SIL1: variants seen among roughly 807,000 people sequenced by gnomAD.
SIL1 encodes the protein SIL1 nucleotide exchange factor, also known as nucleotide exchange factor SIL1.
A neutral mutation model predicts 49.1 loss-of-function variants in SIL1; 40 were observed. The ratio of observed to expected loss-of-function variants is 0.81; its 90% CI spans 0.63 to 1.06. The LOEUF (loss-of-function observed/expected upper bound fraction) is 1.06, where lower values mean the gene tolerates loss of function less well. Among genes scored for constraint, SIL1 ranks in the 50% least tolerant of loss-of-function variants. The pLI is 0.00. For synonymous variants in SIL1, 253 were observed against 250.8 expected, an observed-to-expected ratio of 1.01 and a Z score of -0.08; for missense variants, 500 against 572.6, an observed-to-expected ratio of 0.87 and a Z score of 1.29.
At position 139,118,652 on chromosome 5, in the gene SIL1, T is replaced by C. The variant is rs528332980; in HGVS notation, c.244+2383A>G. On this transcript the variant is annotated intron_variant, in intron 3 of 9. Coordinates refer to ENST00000394817, the MANE Select transcript of SIL1 (RefSeq NM_022464.5). Reference sequence around the variant, plus strand: ...TACCCATCCAGTTCCCAGGACTGGCTACATTCCTTTTAATCTTTAGGTAGA... The same window carrying C: ...TACCCATCCAGTTCCCAGGACTGGCCACATTCCTTTTAATCTTTAGGTAGA... Among the ~76,000 whole-genome samples the C allele has an allele frequency of 4.6e-5, 7 of 152,308 alleles. No homozygotes were observed. In the South Asian group the frequency reaches 1.2e-3, roughly 27 times the overall value.
At chr5:138,995,818 T>C (rs1396399365) in intron 7 of SIL1, among the ~76,000 whole-genome samples, 1 of 152,232 alleles carries the variant, frequency 6.6e-6, no homozygotes, top group East Asian at 1.9e-4. Context: ...GTGATATTTG[T>C]CTTTCTGTAC....
chr5:139,069,959 C>T (rs1769794100), intron 3 of SIL1, among the ~76,000 whole-genome samples: 5 of 152,152 alleles, frequency 3.3e-5, no homozygotes, highest in South Asian at 2.1e-4. Context: ...ATTACTGTTT[C>T]GATGGGCTCT....
intron 1 of SIL1, among the ~76,000 whole-genome samples, chr5:139,145,686 C>A (rs1443359081): frequency 2.3e-5 from 3 of 130,236 alleles, no homozygotes; most frequent in South Asian, 2.5e-4. Context: ...GTGTGTATTT[C>A]CAATGGAATA....
At chr5:139,069,202 C>A (rs1769773743) in intron 3 of SIL1, among the ~76,000 whole-genome samples, 1 of 152,060 alleles carries the variant, frequency 6.6e-6, no homozygotes, top group Admixed American at 6.5e-5. Flanking sequence ...GTGGGAGGAT[C>A]ACTTGAGCCC....
rs544456056 is a variant in SIL1, at chr5:139,053,119, C to T, written c.245-2073G>A. Among the ~76,000 whole-genome samples, 6 of 152,302 alleles carry T rather than the reference C, an allele frequency of 3.9e-5. No homozygotes were observed. The East Asian group carries it at 1.2e-3, about 29-fold the overall frequency. ...TCTCTGAATGTGTGAAGGGGAGAGG[C>T]TGCCTCACCTGGAGAGATCCCAAAC... On this transcript the variant is annotated intron_variant, in intron 3 of 9. Transcript: ENST00000394817.
At chr5:139,177,077 C>T (rs945873579) in intron 1 of SIL1, among the ~76,000 whole-genome samples, 39 of 151,620 alleles carry the variant, frequency 2.6e-4, no homozygotes, top group African/African-American at 7.7e-4. Context: ...GAACTACAGG[C>T]GCCCGCCACC....
In SIL1 at chr5:139,127,776, G is replaced by A; in HGVS notation, c.68C>T (p.Ala23Val). 8 of 1,610,832 alleles carry A rather than the reference G, an allele frequency of 5.0e-6. No homozygotes were observed. Among genetic ancestry groups the A allele is most frequent in the Non-Finnish European group, 6.8e-6 (8 of 1,179,398 alleles). ...PLGMLLGLLM[A>V]ACFTFCLSHQ... is the part of the protein sequence containing the mutation. ...ACTGAGGCAGAAGGTGAAGCAGGCG[G>A]CCATCAGCAGCCCAAGCAGCATGCC... Residue 23 changes from alanine to valine, a missense_variant, in exon 2 of 10, where the codon GCC becomes GTC. Transcript: ENST00000394817.
At position 139,057,558 on chromosome 5, in the gene SIL1, T is replaced by C. The variant is rs555115550; in HGVS notation, c.245-6512A>G. On this transcript the variant is annotated intron_variant, in intron 3 of 9. Coordinates refer to ENST00000394817, the MANE Select transcript of SIL1 (RefSeq NM_022464.5). The stretch of plus-strand genomic sequence containing the variant: ...GGCAGAAGCTCTGGGCAAAGAAGCT[T>C]TGGCTCCTCAGAGGGGTCCAGGAAC... 1.5e-4 allele frequency among the ~76,000 whole-genome samples: 23 copies of C among 152,026 alleles called. No individual in the cohort carries two copies. The East Asian group carries it at 4.5e-3, about 29-fold the overall frequency.
intron 7 of SIL1, among the ~76,000 whole-genome samples, chr5:138,964,643 A>C (rs1228646987): frequency 6.6e-6 from 1 of 152,244 alleles, no homozygotes; most frequent in East Asian, 1.9e-4. Flanking sequence ...TAAAATAGTT[A>C]ATGTCAAAAC....
intron 7 of SIL1, among the ~76,000 whole-genome samples, chr5:138,990,173 C>T (rs144559207): frequency 8.5e-5 from 13 of 152,236 alleles, no homozygotes; most frequent in African/African-American, 1.4e-4. Context: ...CCAATGTGAG[C>T]GTACACTTAC....
chr5:138,954,442 C>A (rs1032972736), intron 7 of SIL1, among the ~76,000 whole-genome samples: 20 of 152,240 alleles, frequency 1.3e-4, no homozygotes, highest in African/African-American at 4.3e-4. Context: ...CCTGGGAACT[C>A]CAGGCCTTAC....
chr5:139,009,454 CCATTTA>C (rs1242052558), intron 7 of SIL1, among the ~76,000 whole-genome samples: 1 of 135,342 alleles, frequency 7.4e-6, no homozygotes, highest in African/African-American at 2.8e-5. Flanking sequence ...AGAATTTAGT[CCATTTA>C]CATTTAAAGT....
At chr5:139,156,141 C>A (rs1055001416) in intron 1 of SIL1, among the ~76,000 whole-genome samples, 32 of 152,186 alleles carry the variant, frequency 2.1e-4, no homozygotes, top group Non-Finnish European at 3.2e-4. Flanking sequence ...TATATGTTTA[C>A]GTAATAATAA....
At chr5:139,153,358 G>T (rs979172929) in intron 1 of SIL1, among the ~76,000 whole-genome samples, 1 of 152,148 alleles carries the variant, frequency 6.6e-6, no homozygotes, top group Non-Finnish European at 1.5e-5. Flanking sequence ...TCTGATCATA[G>T]CATTATTATA....
intron 3 of SIL1, among the ~76,000 whole-genome samples, chr5:139,103,017 C>T (rs535691775): frequency 2.0e-5 from 3 of 152,198 alleles, no homozygotes; most frequent in African/African-American, 7.2e-5. Context: ...CCCAGCCTAT[C>T]AAGAGCTTCT....
intron 1 of SIL1, among the ~76,000 whole-genome samples, chr5:139,144,568 G>A (rs758721250): frequency 2.6e-5 from 4 of 152,082 alleles, no homozygotes; most frequent in African/African-American, 7.2e-5. Flanking sequence ...TTTAAAGGAC[G>A]AAATTTAAAA....
intron 3 of SIL1, among the ~76,000 whole-genome samples, chr5:139,051,638 G>A (rs182346974): frequency 2.9e-3 from 444 of 152,322 alleles, no homozygotes; most frequent in African/African-American, 0.01. Context: ...ACATAAAAGT[G>A]TGGCACTTAA....
At position 139,098,074 on chromosome 5, in the gene SIL1, A is replaced by G. The variant is rs375233526; in HGVS notation, c.244+22961T>C. Among the ~76,000 whole-genome samples the G allele has an allele frequency of 2.7e-3, 408 of 152,340 alleles. 2 individuals are homozygous for G. The highest frequency in any genetic ancestry group is 9.4e-3 in the African/African-American group (390 of 41,580). On this transcript the variant is annotated intron_variant, in intron 3 of 9. Transcript: ENST00000394817. ...TATTAAAATACCAATGACATTCTTC[A>G]TAGAAATAGAAAAACCAATCCTAAA... is the stretch of plus-strand genomic sequence containing the variant.
chr5:139,055,350 T>G (rs1466718522), intron 3 of SIL1, among the ~76,000 whole-genome samples: 2 of 152,102 alleles, frequency 1.3e-5, no homozygotes, highest in East Asian at 3.9e-4. Flanking sequence ...TGGGGGATAA[T>G]CTATGGTAGA....
Sources: gnomAD v4.1 joint callset for allele counts (sites outside exome capture counted in the v4.1 genomes callset) on GRCh38, gnomAD v4.1.1 for gene constraint, MANE v1.5 for transcripts, NCBI Gene and HGNC (gene_info 2026-07-23, HGNC 2026-07-21) for gene names.